ARB2A: variants seen among roughly 807,000 people sequenced by gnomAD.
ARB2A encodes the protein cotranscriptional regulator ARB2A.
chr5:93,802,324 A>G, the ARB2A span, among the ~76,000 whole-genome samples: 1 of 152,030 alleles, frequency 6.6e-6, no homozygotes, highest in Admixed American at 6.6e-5. Flanking sequence ...TGACACATAA[A>G]TGGGGGCAAA....
the ARB2A span, among the ~76,000 whole-genome samples, chr5:94,030,924 A>G: frequency 6.6e-6 from 1 of 152,190 alleles, no homozygotes; most frequent in Non-Finnish European, 1.5e-5. Flanking sequence ...GTTATGATGC[A>G]GTACAAGGCC....
At chr5:93,680,543 T>C in the ARB2A span, among the ~76,000 whole-genome samples, 2 of 152,176 alleles carry the variant, frequency 1.3e-5, no homozygotes, top group African/African-American at 2.4e-5. Context: ...TTTCAATGTA[T>C]CCTGCTATCA....
At chr5:93,651,964 C>A in the ARB2A span, among the ~76,000 whole-genome samples, 1 of 151,866 alleles carries the variant, frequency 6.6e-6, no homozygotes, top group Non-Finnish European at 1.5e-5. Context: ...GACCTCAGAA[C>A]AACGAAAATA....
At chr5:94,034,076 G>C in the ARB2A span, among the ~76,000 whole-genome samples, 2 of 152,312 alleles carry the variant, frequency 1.3e-5, no homozygotes, top group African/African-American at 4.8e-5. Flanking sequence ...ACCAGAAGTT[G>C]AGCAGATGCC....
the ARB2A span, among the ~76,000 whole-genome samples, chr5:94,052,105 G>A: frequency 5.9e-5 from 9 of 152,280 alleles, no homozygotes; most frequent in Middle Eastern, 3.4e-3. Context: ...GCAGACATGA[G>A]CCACCACACC....
At chr5:93,623,402 T>C in the ARB2A span, among the ~76,000 whole-genome samples, 1 of 152,198 alleles carries the variant, frequency 6.6e-6, no homozygotes, top group African/African-American at 2.4e-5. Flanking sequence ...TCTCAGGGAA[T>C]TCCCCTCATA....
the ARB2A span, among the ~76,000 whole-genome samples, chr5:93,974,613 A>G: frequency 6.6e-6 from 1 of 152,174 alleles, no homozygotes; most frequent in Non-Finnish European, 1.5e-5. Context: ...ATAGACATCT[A>G]TGGAATACTC....
At chr5:93,915,102 C>T in the ARB2A span, among the ~76,000 whole-genome samples, 1 of 151,890 alleles carries the variant, frequency 6.6e-6, no homozygotes, top group Non-Finnish European at 1.5e-5. Context: ...TTTACTAAAT[C>T]GTTTACAGAA....
chr5:93,619,675 A>G, the ARB2A span: 3 of 152,232 alleles, frequency 2.0e-5, no homozygotes, highest in Admixed American at 6.5e-5. Flanking sequence ...AAGTAATTAA[A>G]ATATAATGTG....
the ARB2A span, among the ~76,000 whole-genome samples, chr5:93,693,666 G>A: frequency 3.3e-5 from 5 of 152,130 alleles, no homozygotes; most frequent in Admixed American, 2.6e-4. Flanking sequence ...GAAACTATTC[G>A]AAACAGTAGA....
At chr5:93,812,641 A>G in the ARB2A span, among the ~76,000 whole-genome samples, 4 of 152,118 alleles carry the variant, frequency 2.6e-5, no homozygotes, top group Admixed American at 2.6e-4. Context: ...AGATATTGAG[A>G]CTTCTGGAAA....
chr5:93,742,733 T>A, the ARB2A span, among the ~76,000 whole-genome samples: 3 of 152,212 alleles, frequency 2.0e-5, no homozygotes, highest in Non-Finnish European at 4.4e-5. Context: ...TAAAAAATCC[T>A]CATCCTGCTG....
At chr5:93,953,204 C>T in the ARB2A span, among the ~76,000 whole-genome samples, 1 of 152,144 alleles carries the variant, frequency 6.6e-6, no homozygotes, top group Non-Finnish European at 1.5e-5. Context: ...AGTCTTGATG[C>T]TTGCGGATGT....
chr5:93,637,466 C>T, the ARB2A span, among the ~76,000 whole-genome samples: 1 of 145,138 alleles, frequency 6.9e-6, no homozygotes, highest in African/African-American at 2.5e-5. Context: ...TCCATTGCTT[C>T]GTTTCTCTGG....
the ARB2A span, among the ~76,000 whole-genome samples, chr5:93,708,868 T>A: frequency 6.6e-6 from 1 of 152,212 alleles, no homozygotes; most frequent in South Asian, 2.1e-4. Context: ...GGGTACCTAT[T>A]TTCTGCTGTA....
At chr5:93,763,752 T>C in the ARB2A span, among the ~76,000 whole-genome samples, 496 of 152,298 alleles carry the variant, frequency 3.3e-3, 3 homozygotes, top group Non-Finnish European at 3.2e-3. Flanking sequence ...ACATTTTTTT[T>C]CAGCACCGCA....
the ARB2A span, among the ~76,000 whole-genome samples, chr5:93,984,495 C>T: frequency 6.6e-5 from 10 of 152,276 alleles, no homozygotes; most frequent in Non-Finnish European, 1.3e-4. Flanking sequence ...AAAATCAAGA[C>T]AACTGAAGTA....
chr5:93,849,245 T>C, the ARB2A span, among the ~76,000 whole-genome samples: 7 of 152,310 alleles, frequency 4.6e-5, no homozygotes, highest in African/African-American at 9.6e-5. Context: ...TTTCCACAGA[T>C]ACTTCTGAAA....
the ARB2A span, among the ~76,000 whole-genome samples, chr5:93,936,202 A>G: frequency 6.6e-6 from 1 of 152,138 alleles, no homozygotes; most frequent in African/African-American, 2.4e-5. Flanking sequence ...TCTCAAAACT[A>G]CAGAATATTA....
Sources: gnomAD v4.1 joint callset for allele counts (sites outside exome capture counted in the v4.1 genomes callset) on GRCh38, gnomAD v4.1.1 for gene constraint, MANE v1.5 for transcripts, NCBI Gene and HGNC (gene_info 2026-07-23, HGNC 2026-07-21) for gene names.